Variants in RNF220 observed in about 807,000 individuals in gnomAD.
RNF220 encodes the protein ring finger protein 220, also known as E3 ubiquitin-protein ligase RNF220.
In RNF220, 7 loss-of-function variants were observed where a neutral mutation model predicts 67.1. The observed-to-expected ratio is 0.10, with a 90% CI of 0.06 to 0.20. The LOEUF (loss-of-function observed/expected upper bound fraction) is 0.20, where lower values mean the gene tolerates loss of function less well. RNF220 is among the 10% of genes least tolerant of loss of function. The pLI is 1.00. For synonymous variants in RNF220, 270 were observed against 283.2 expected (o/e 0.95, Z 0.47); for missense variants, 565 against 740.3 (o/e 0.76, Z 2.75).
chr1:44,406,258 G>T (rs2147786515), intron 1 of RNF220, among the ~76,000 whole-genome samples: 1 of 152,294 alleles, frequency 6.6e-6, no homozygotes, highest in South Asian at 2.1e-4. Context: ...AGGATGGATG[G>T]ATCCTCTGCG....
intron 2 of RNF220, among the ~76,000 whole-genome samples, chr1:44,557,347 G>A (rs1052837194): frequency 6.7e-6 from 1 of 150,248 alleles, no homozygotes; most frequent in East Asian, 2.0e-4. Context: ...GCAACATAGT[G>A]AGACCCTGTC....
At chr1:44,625,459 A>G (rs1643911278) in intron 4 of RNF220, among the ~76,000 whole-genome samples, 2 of 152,154 alleles carry the variant, frequency 1.3e-5, no homozygotes, top group Admixed American at 1.3e-4. Flanking sequence ...ATCTTTCCCA[A>G]ATTGCTTTCT....
chr1:44,487,105 C>T (rs928177301), intron 2 of RNF220, among the ~76,000 whole-genome samples: 5 of 151,710 alleles, frequency 3.3e-5, no homozygotes, highest in East Asian at 3.9e-4. Flanking sequence ...GAGGCTGAGG[C>T]GGGCAGATCA....
chr1:44,574,158 C>CGAAT (rs538099791), intron 2 of RNF220, among the ~76,000 whole-genome samples: 2 of 151,986 alleles, frequency 1.3e-5, no homozygotes, highest in African/African-American at 4.8e-5. Flanking sequence ...AATGAATGAA[C>CGAAT]GAATGAATGA....
At position 44,556,421 on chromosome 1, in the gene RNF220, A is replaced by G. The variant is rs1372065615; in HGVS notation, c.626-57744A>G. Among the ~76,000 whole-genome samples, 3 of 150,622 alleles carry G rather than the reference A, an allele frequency of 2.0e-5. 1 individual carries two copies. The highest frequency in any genetic ancestry group is 7.4e-5 in the African/African-American group (3 of 40,278). On this transcript the variant is annotated intron_variant, in intron 2 of 14. Transcript: ENST00000361799. The stretch of plus-strand genomic sequence containing the variant: ...AAACATGCTCCCTAGTCAATTAATG[A>G]TGACCTGAATGAACAAATGACACCC...
chr1:44,550,730 G>A lies in RNF220; in HGVS notation c.626-63435G>A, dbSNP rs570619172. 7.9e-5 allele frequency among the ~76,000 whole-genome samples: 12 copies of A among 152,286 alleles called. No individual in the cohort carries two copies. The South Asian group carries it at 2.5e-3, about 32-fold the overall frequency. On this transcript the variant is annotated intron_variant, in intron 2 of 14. Coordinates refer to ENST00000361799, the MANE Select transcript of RNF220 (RefSeq NM_018150.4). ...CTGTACCAAAGTATAACATAGCTAG[G>A]CTTTGAATGAAGGTTTCCAGCCCGT... is the stretch of plus-strand genomic sequence containing the variant.
intron 4 of RNF220, among the ~76,000 whole-genome samples, chr1:44,626,006 T>G (rs1241196766): frequency 1.3e-5 from 2 of 152,038 alleles, no homozygotes; most frequent in Non-Finnish European, 2.9e-5. Context: ...AAAACATATA[T>G]AGTCTCAGCC....
chr1:44,581,916 T>G (rs1047158681), intron 2 of RNF220, among the ~76,000 whole-genome samples: 1 of 152,200 alleles, frequency 6.6e-6, no homozygotes, highest in Non-Finnish European at 1.5e-5. Flanking sequence ...GAAATGGACA[T>G]TTTCTGTCAA....
At chr1:44,406,339 C>G (rs1254330749) in intron 1 of RNF220, among the ~76,000 whole-genome samples, 2 of 152,204 alleles carry the variant, frequency 1.3e-5, no homozygotes, top group Non-Finnish European at 2.9e-5. Context: ...CCCCACTCCT[C>G]TGGGCTGGAC....
At chr1:44,550,677 A>G (rs550512108) in intron 2 of RNF220, among the ~76,000 whole-genome samples, 2 of 152,278 alleles carry the variant, frequency 1.3e-5, no homozygotes, top group African/African-American at 4.8e-5. Flanking sequence ...ACCTTACCTT[A>G]TCCCAGCCTG....
intron 2 of RNF220, among the ~76,000 whole-genome samples, chr1:44,601,909 G>A (rs958203895): frequency 6.6e-6 from 1 of 152,188 alleles, no homozygotes; most frequent in African/African-American, 2.4e-5. Flanking sequence ...AAGGAGAATA[G>A]TTGGGTTGTG....
At chr1:44,426,209 C>T (rs900910425) in intron 2 of RNF220, among the ~76,000 whole-genome samples, 4 of 152,158 alleles carry the variant, frequency 2.6e-5, no homozygotes, top group African/African-American at 9.7e-5. Flanking sequence ...GATGTTTTGG[C>T]TCAGAGGCAC....
chr1:44,537,669 A>C (rs1661340402), intron 2 of RNF220, among the ~76,000 whole-genome samples: 1 of 152,120 alleles, frequency 6.6e-6, no homozygotes. Context: ...CATTTCTCAA[A>C]TTCTTTCCCC....
At chr1:44,536,708 C>A (rs1661252505) in intron 2 of RNF220, among the ~76,000 whole-genome samples, 1 of 152,200 alleles carries the variant, frequency 6.6e-6, no homozygotes, top group Admixed American at 6.5e-5. Flanking sequence ...CTGCCGCCAC[C>A]AACACCTTTC....
At chr1:44,527,361 G>A (rs1660456321) in intron 2 of RNF220, among the ~76,000 whole-genome samples, 1 of 151,986 alleles carries the variant, frequency 6.6e-6, no homozygotes, top group Non-Finnish European at 1.5e-5. Flanking sequence ...TTCACCAAAG[G>A]AAGGAGGAAA....
chr1:44,644,591 T>G (rs1312644281), intron 8 of RNF220, 107 bp from the exon 9 acceptor site: 1 of 791,442 alleles, frequency 1.3e-6, no homozygotes, highest in African/African-American at 1.7e-5. Context: ...CAGGTTTCCC[T>G]CTGGGCCTTA....
chr1:44,550,406 A>G (rs1021566793), intron 2 of RNF220, among the ~76,000 whole-genome samples: 2 of 152,194 alleles, frequency 1.3e-5, no homozygotes, highest in Non-Finnish European at 2.9e-5. Flanking sequence ...GTTGAGTACC[A>G]TGCAGCTGGT....
intron 2 of RNF220, among the ~76,000 whole-genome samples, chr1:44,604,537 C>T (rs138053349): frequency 6.6e-6 from 1 of 152,372 alleles, no homozygotes; most frequent in Non-Finnish European, 1.5e-5. Context: ...TGCCTTTGGC[C>T]GGAGCAAAGG....
At chr1:44,580,643 T>A (rs1432786446) in intron 2 of RNF220, among the ~76,000 whole-genome samples, 1 of 152,212 alleles carries the variant, frequency 6.6e-6, no homozygotes, top group Non-Finnish European at 1.5e-5. Flanking sequence ...TCGGAGGTGT[T>A]TGGGCAGGCC....
Sources: gnomAD v4.1 joint callset for allele counts (sites outside exome capture counted in the v4.1 genomes callset) on GRCh38, gnomAD v4.1.1 for gene constraint, MANE v1.5 for transcripts, NCBI Gene and HGNC (gene_info 2026-07-23, HGNC 2026-07-21) for gene names.